Variants in SAG observed in about 807,000 individuals in gnomAD.
The protein encoded by SAG is S-arrestin.
In SAG, 45 loss-of-function variants were observed where a neutral mutation model predicts 55.0. The ratio of observed to expected loss-of-function variants is 0.82; its 90% CI spans 0.64 to 1.05. The LOEUF (loss-of-function observed/expected upper bound fraction) is 1.05. SAG is among the 50% of genes least tolerant of loss of function. The pLI is 0.00. For synonymous variants in SAG, 189 were observed against 197.4 expected (o/e 0.96, Z 0.36); for missense variants, 455 against 512.1 (o/e 0.89, Z 1.08).
rs397514682 is a variant in SAG at position 233,335,071 on chromosome 2, G to A, written c.916G>A (p.Glu306Lys). Reference sequence around the variant, plus strand: ...TGCCCTGGATGGGAAAATCAAGCACGAGGACACAAACCTTGCCTCCAGCAC... The same window carrying A: ...TGCCCTGGATGGGAAAATCAAGCACAAGGACACAAACCTTGCCTCCAGCAC... ...GIALDGKIKH[E>K]DTNLASSTII... The change falls in exon 11 of 16, where the codon GAG becomes AAG. Residue 306 changes from glutamate to lysine, a missense_variant. Coordinates refer to ENST00000409110, the MANE Select transcript of SAG (RefSeq NM_000541.5). 20 of 1,613,926 alleles carry A rather than the reference G, an allele frequency of 1.2e-5. No individual in the cohort carries two copies. Among genetic ancestry groups the A allele is most frequent in the Middle Eastern group, 1.7e-4 (1 of 6,028 alleles).
intron 2 of SAG, among the ~76,000 whole-genome samples, chr2:233,312,632 C>A (rs1024490723): frequency 1.3e-5 from 2 of 152,202 alleles, no homozygotes; most frequent in Non-Finnish European, 2.9e-5. Context: ...TCCTATGAGA[C>A]CATTTCAGCA....
At chr2:233,329,210 G>T (rs540851244) in intron 8 of SAG, 4 of 406,270 alleles carry the variant, frequency 9.8e-6, no homozygotes, top group Middle Eastern at 7.6e-4. Flanking sequence ...GGCTTTCCCA[G>T]TGGTTTCCTT....
chr2:233,321,602 G>C (rs1700381870), intron 5 of SAG, among the ~76,000 whole-genome samples: 1 of 152,174 alleles, frequency 6.6e-6, no homozygotes, highest in South Asian at 2.1e-4. Flanking sequence ...CACAGGCTGG[G>C]GGGTTGGAGG....
chr2:233,336,995 CTGAGA>C (rs1393286422), intron 11 of SAG, among the ~76,000 whole-genome samples: 2 of 152,068 alleles, frequency 1.3e-5, no homozygotes, highest in Admixed American at 1.3e-4. Flanking sequence ...ATTTGAGAGG[CTGAGA>C]TGACAGGATA....
At chr2:233,339,700 ATC>A (rs3045568) in intron 12 of SAG, among the ~76,000 whole-genome samples, 101,176 of 150,910 alleles carry the variant, frequency 0.67, 34,537 homozygotes, top group African/African-American at 0.77. Flanking sequence ...TTGAGATGTA[ATC>A]TCTCACTCTG....
chr2:233,309,137 T>A, intron 1 of SAG, 25 bp from the exon 2 acceptor site: 4 of 1,444,320 alleles, frequency 2.8e-6, no homozygotes, highest in Non-Finnish European at 3.9e-6. Flanking sequence ...TCTCCAACCC[T>A]CTAACACCTG....
chr2:233,321,986 TACACACACACACACACAC>T (rs57822347), intron 5 of SAG, among the ~76,000 whole-genome samples: 3,341 of 133,308 alleles, frequency 0.025, 107 homozygotes, highest in African/African-American at 0.078. Context: ...CTACTAAAAA[TACACACACACACACACAC>T]ACACACACAC....
chr2:233,334,886 C>T, intron 10 of SAG, 76 bp from the exon 11 acceptor site: 1 of 1,560,600 alleles, frequency 6.4e-7, no homozygotes, highest in South Asian at 1.1e-5. Flanking sequence ...TGGAAAATGC[C>T]TAATGTCAAA....
intron 14 of SAG, chr2:233,344,994 C>T (rs1701208612): frequency 6.6e-6 from 1 of 152,160 alleles, no homozygotes; most frequent in South Asian, 2.1e-4. Flanking sequence ...ATTTCTTGCT[C>T]AGGGGATGTT....
At chr2:233,341,897 T>C (rs1245835684) in intron 13 of SAG, among the ~76,000 whole-genome samples, 1 of 152,162 alleles carries the variant, frequency 6.6e-6, no homozygotes, top group Non-Finnish European at 1.5e-5. Flanking sequence ...GGCAGGTGGA[T>C]CACTTGAGAT....
At chr2:233,346,539 G>A (rs1326909097) in intron 15 of SAG, 127 bp downstream of exon 15, 6 of 1,028,534 alleles carry the variant, frequency 5.8e-6, no homozygotes, top group East Asian at 2.4e-5. Flanking sequence ...AGGCACATCC[G>A]CTACTTCCCG....
chr2:233,317,994 G>A (rs1700260246), intron 3 of SAG, among the ~76,000 whole-genome samples: 1 of 152,096 alleles, frequency 6.6e-6, no homozygotes, highest in African/African-American at 2.4e-5. Context: ...TGTCGGGGGT[G>A]TGGGACAGTG....
At chr2:233,328,440 G>T (rs1383798515) in intron 7 of SAG, 38 bp from the exon 8 acceptor site, 1 of 1,602,106 alleles carries the variant, frequency 6.2e-7, no homozygotes, top group Admixed American at 1.7e-5. Context: ...AGCGGCCTGG[G>T]TGCCAATCCC....
At chr2:233,320,862 G>T (rs537152671) in intron 5 of SAG, 39 bp downstream of exon 5, 1 of 1,511,242 alleles carries the variant, frequency 6.6e-7, no homozygotes, top group Middle Eastern at 1.8e-4. Flanking sequence ...TCCTTCACCC[G>T]CAGCACCTTA....
chr2:233,314,370 T>C (rs1700162337), intron 2 of SAG, among the ~76,000 whole-genome samples: 1 of 152,130 alleles, frequency 6.6e-6, no homozygotes, highest in Admixed American at 6.5e-5. Flanking sequence ...CCAGGAACTG[T>C]GATCCCCACT....
At chr2:233,329,182 G>A (rs1700669461) in intron 8 of SAG, 1 of 380,992 alleles carries the variant, frequency 2.6e-6, no homozygotes, top group South Asian at 2.4e-5. Flanking sequence ...GGCTCTGCTG[G>A]GTGGGATGCC....
chr2:233,330,523 TCCTTC>T (rs1700723775), intron 9 of SAG, among the ~76,000 whole-genome samples: 1 of 143,622 alleles, frequency 7.0e-6, no homozygotes, highest in Non-Finnish European at 1.5e-5. Context: ...CTTCCTTCCT[TCCTTC>T]CTTCCTTCCT....
chr2:233,338,942 G>A, intron 12 of SAG, 189 bp downstream of exon 12: 1 of 689,400 alleles, frequency 1.5e-6, no homozygotes. Flanking sequence ...AAAATGTCAG[G>A]TGGGAAAGGG....
intron 15 of SAG, 49 bp downstream of exon 15, chr2:233,346,461 C>T (rs1379220298): frequency 1.3e-6 from 2 of 1,595,500 alleles, no homozygotes; most frequent in Non-Finnish European, 1.7e-6. Context: ...TGCTCTGGGA[C>T]CTTCTCCTCC....
Sources: gnomAD v4.1 joint callset for allele counts (sites outside exome capture counted in the v4.1 genomes callset) on GRCh38, gnomAD v4.1.1 for gene constraint, MANE v1.5 for transcripts, NCBI Gene and HGNC (gene_info 2026-07-23, HGNC 2026-07-21) for gene names.